The following ASS1 variants were observed in gnomAD, a reference collection of about 807,000 sequenced individuals.
ASS1 encodes the protein argininosuccinate synthase 1.
Under a neutral mutation model 60.5 loss-of-function variants are expected in ASS1, and 58 were observed. The observed-to-expected ratio is 0.96, with a 90% confidence interval of 0.78 to 1.19. The LOEUF is 1.19. Among genes scored for constraint, ASS1 ranks in the 50% most tolerant of loss-of-function variants. The pLI, the probability that ASS1 is intolerant of heterozygous loss-of-function variation, is 0.00. For missense variants in ASS1, 454 were observed against 547.3 expected (o/e 0.83, Z 1.70); for synonymous variants, 200 against 206.9 (o/e 0.97, Z 0.29).
At chr9:130,455,065 A>T (rs557550871) in intron 3 of ASS1, among the ~76,000 whole-genome samples, 2 of 149,618 alleles carry the variant, frequency 1.3e-5, no homozygotes, top group Non-Finnish European at 3.0e-5. Context: ...CCATCCATCC[A>T]TCCATTCACC....
rs2131873972 is a variant in ASS1, at chr9:130,458,433, G to A, written c.207G>A (p.Val69=). The change falls in exon 4 of 15, where the codon GTG becomes GTA. Residue 69 remains valine, a synonymous_variant. Transcript: ENST00000352480. ...TTGAGGATGTCAGCAGGGAGTTTGT[G>A]GAGGAGTTCATCTGGCCGGCCATCC... ...VFIEDVSREF[V]EEFIWPAIQS... 1 of 1,612,064 alleles carries A rather than the reference G, an allele frequency of 6.2e-7. No individual in the cohort carries two copies. The highest frequency in any genetic ancestry group is 8.5e-7 in the Non-Finnish European group (1 of 1,179,858).
At chr9:130,485,732 G>A (rs150848091) in intron 11 of ASS1, among the ~76,000 whole-genome samples, 65 of 152,330 alleles carry the variant, frequency 4.3e-4, no homozygotes, top group African/African-American at 1.5e-3. Context: ...TATGTATCCA[G>A]TTCTAGCATG....
At chr9:130,475,897 C>T (rs1313592921) in intron 8 of ASS1, among the ~76,000 whole-genome samples, 1 of 152,108 alleles carries the variant, frequency 6.6e-6, no homozygotes, top group African/African-American at 2.4e-5. Context: ...GCTGGGACTA[C>T]AGGCGCATGC....
Position 130,461,544 on chromosome 9 carries a change from C to T in ASS1, c.364-2567C>T, listed in dbSNP as rs146905076. Among the ~76,000 whole-genome samples, 1,015 of 152,316 alleles carry T rather than the reference C, an allele frequency of 6.7e-3. 11 individuals carry two copies. The highest frequency in any genetic ancestry group is 9.5e-3 in the Non-Finnish European group (649 of 68,020). On this transcript the variant is annotated intron_variant, in intron 4 of 14. Coordinates refer to ENST00000352480, the MANE Select transcript of ASS1 (RefSeq NM_054012.4). ...TCACACTCAGAAGACCCAACAGGGA[C>T]GGACTCCGGGGATGCCGGGGAGTAG...
At chr9:130,460,546 A>G (rs1263531444) in intron 4 of ASS1, among the ~76,000 whole-genome samples, 5 of 152,038 alleles carry the variant, frequency 3.3e-5, no homozygotes, top group African/African-American at 1.2e-4. Context: ...AGTCTAGAGG[A>G]GTGAATAATG....
At position 130,454,306 on chromosome 9, in the gene ASS1, C is replaced by A. The variant is rs1479796639; in HGVS notation, c.107C>A (p.Ala36Asp). The change falls in exon 3 of 15, where the codon GCC becomes GAC. Residue 36 changes from alanine (A) to aspartate (D), a missense_variant and splice_region_variant. Coordinates refer to ENST00000352480, the MANE Select transcript of ASS1 (RefSeq NM_054012.4). ...EQGYDVIAYL[A>D]NIGQKEDFEE... ...AGCCTCTCCGCTTCTGCTTCTCAGG[C>A]CAACATTGGCCAGAAGGAAGACTTC... The A allele has an allele frequency of 6.2e-7, 1 of 1,611,036 alleles. No homozygotes were observed. Among genetic ancestry groups the A allele is most frequent in the African/African-American group, 1.3e-5 (1 of 74,954 alleles).
intron 8 of ASS1, among the ~76,000 whole-genome samples, chr9:130,474,026 T>C (rs1588490101): frequency 2.0e-5 from 1 of 49,804 alleles, no homozygotes; most frequent in African/African-American, 9.4e-5. Flanking sequence ...CCCGACTCTC[T>C]CTCTCTCTTT....
intron 3 of ASS1, among the ~76,000 whole-genome samples, chr9:130,456,601 A>G (rs1845456523): frequency 1.3e-5 from 2 of 152,312 alleles, no homozygotes; most frequent in Admixed American, 6.5e-5. Context: ...CAAAATAATT[A>G]TAGACACAGG....
rs752857706 is a variant in ASS1, at chr9:130,470,557, C to G, written c.496-277C>G. Among the ~76,000 whole-genome samples the G allele has an allele frequency of 1.3e-3, 202 of 152,202 alleles. 5 individuals are homozygous for G. The highest frequency in any genetic ancestry group is 2.2e-4 in the Non-Finnish European group (15 of 68,028). On this transcript the variant is annotated intron_variant, in intron 6 of 14. Coordinates refer to ENST00000352480, the MANE Select transcript of ASS1 (RefSeq NM_054012.4). This position sits in a 1 kb window ranked among gnomAD's most constrained non-coding sequence, Gnocchi z 4.3. ...TGGGCATGGCACCTGCGTGCTTGCT[C>G]AGTGCTTCAGGGGTCCTTGAGATGT...
intron 11 of ASS1, among the ~76,000 whole-genome samples, chr9:130,484,508 G>A (rs1846254952): frequency 6.6e-6 from 1 of 151,890 alleles, no homozygotes; most frequent in Admixed American, 6.6e-5. Context: ...ACAGAGAACT[G>A]CTGACACCTC....
chr9:130,462,955 T>TA (rs368772967), intron 4 of ASS1, among the ~76,000 whole-genome samples: 1 of 152,280 alleles, frequency 6.6e-6, no homozygotes, highest in South Asian at 2.1e-4. Context: ...AAAATATGGC[T>TA]AAAAATCCCC....
At chr9:130,461,689 G>A (rs916527364) in intron 4 of ASS1, among the ~76,000 whole-genome samples, 3 of 152,204 alleles carry the variant, frequency 2.0e-5, no homozygotes, top group African/African-American at 4.8e-5. Flanking sequence ...GACAATTTCC[G>A]AGAACTGGGG....
At chr9:130,458,224 A>G (rs1845493400) in intron 3 of ASS1, among the ~76,000 whole-genome samples, 177 bp from the exon 4 acceptor site, 1 of 152,082 alleles carries the variant, frequency 6.6e-6, no homozygotes, top group African/African-American at 2.4e-5. Context: ...AGGGAGAGTA[A>G]CAGTGCAGTG....
chr9:130,481,473 T>G (rs1253292457), intron 11 of ASS1, among the ~76,000 whole-genome samples: 2 of 152,188 alleles, frequency 1.3e-5, no homozygotes, highest in Non-Finnish European at 2.9e-5. Context: ...CGGCCCCATG[T>G]CTCTCAGGCT....
intron 8 of ASS1, among the ~76,000 whole-genome samples, chr9:130,474,073 C>T (rs933671722): frequency 1.5e-5 from 2 of 129,980 alleles, no homozygotes; most frequent in Non-Finnish European, 3.3e-5. Flanking sequence ...CCCCCCCCCC[C>T]CCACAGATGA....
intron 4 of ASS1, among the ~76,000 whole-genome samples, chr9:130,460,490 G>A (rs1395838411): frequency 1.3e-5 from 2 of 152,204 alleles, no homozygotes; most frequent in Non-Finnish European, 2.9e-5. Flanking sequence ...GGGGCCAGGG[G>A]TCTGTGCCAG....
chr9:130,449,536 G>T (rs1353154496), intron 1 of ASS1, among the ~76,000 whole-genome samples: 1 of 151,910 alleles, frequency 6.6e-6, no homozygotes, highest in Non-Finnish European at 1.5e-5. Flanking sequence ...GTGAATCTTG[G>T]GCCAGCATCA....
At chr9:130,471,026 A>G in intron 7 of ASS1, 122 bp downstream of exon 7, 1 of 1,158,736 alleles carries the variant, frequency 8.6e-7, no homozygotes, top group Non-Finnish European at 1.3e-6. Context: ...GGGAGCTGAG[A>G]GGCCTCAGGC....
At chr9:130,468,504 T>C (rs541184066) in intron 6 of ASS1, among the ~76,000 whole-genome samples, 4 of 152,312 alleles carry the variant, frequency 2.6e-5, no homozygotes, top group South Asian at 2.1e-4. Flanking sequence ...CTCAACCTCC[T>C]GGGCTCATCT....
Sources: allele counts gnomAD v4.1 joint callset (sites outside exome capture counted in the v4.1 genomes callset), GRCh38; gene constraint gnomAD v4.1.1; non-coding constraint Gnocchi (gnomAD v3.1); transcripts MANE v1.5; gene names NCBI Gene and HGNC (gene_info 2026-07-23, HGNC 2026-07-21).